The following RNF130 variants were observed in gnomAD, a reference collection of about 807,000 sequenced individuals.
RNF130 encodes the protein ring finger protein 130, also known as E3 ubiquitin-protein ligase RNF130.
Under a neutral mutation model 44.6 loss-of-function variants are expected in RNF130, and 21 were observed. The ratio of observed to expected loss-of-function variants is 0.47; its 90% confidence interval spans 0.33 to 0.68. The LOEUF is 0.68. Among genes scored for constraint, RNF130 ranks in the 30% least tolerant of loss-of-function variants. The pLI, the probability that RNF130 is intolerant of heterozygous loss-of-function variation, is 0.02. For missense variants in RNF130, 479 were observed against 560.6 expected (o/e 0.85, Z 1.47); for synonymous variants, 214 against 210.4 (o/e 1.02, Z -0.15).
At chr5:179,961,110 T>A (rs1459127420) in intron 8 of RNF130, among the ~76,000 whole-genome samples, 1 of 149,502 alleles carries the variant, frequency 6.7e-6, no homozygotes, top group African/African-American at 2.5e-5. Context: ...ATGCTTACTG[T>A]TAAAAAAAAA....
intron 3 of RNF130, among the ~76,000 whole-genome samples, chr5:180,012,380 T>C (rs561168777): frequency 6.6e-6 from 1 of 152,300 alleles, no homozygotes; most frequent in Admixed American, 6.5e-5. Flanking sequence ...ACCTGGAACC[T>C]GGCACCTAGG....
At chr5:180,030,470 T>A (rs1764108913) in intron 2 of RNF130, among the ~76,000 whole-genome samples, 1 of 152,168 alleles carries the variant, frequency 6.6e-6, no homozygotes, top group African/African-American at 2.4e-5. Context: ...CAGTTTTGGG[T>A]CATTTCCATC....
chr5:180,043,804 C>T (rs145776987), intron 1 of RNF130, among the ~76,000 whole-genome samples: 2 of 152,030 alleles, frequency 1.3e-5, no homozygotes. Context: ...TTCATCTAAT[C>T]ATCATCCATA....
At chr5:180,066,193 A>C (rs1765103481) in intron 1 of RNF130, among the ~76,000 whole-genome samples, 1 of 152,222 alleles carries the variant, frequency 6.6e-6, no homozygotes, top group Non-Finnish European at 1.5e-5. Context: ...AACTGGAATC[A>C]TGGAGGCGGT....
At chr5:179,920,789 A>ATT (rs1307574060) in intron 7 of RNF130, among the ~76,000 whole-genome samples, 67 of 135,224 alleles carry the variant, frequency 5.0e-4, no homozygotes, top group African/African-American at 2.1e-3. Flanking sequence ...TTATATATAT[A>ATT]TATATATTTT....
At chr5:180,027,586 G>T (rs911721957) in intron 2 of RNF130, among the ~76,000 whole-genome samples, 5 of 152,074 alleles carry the variant, frequency 3.3e-5, no homozygotes, top group African/African-American at 1.2e-4. Flanking sequence ...AGTGCAGCTC[G>T]CTGGACTGAA....
At chr5:180,040,888 T>C (rs971065195) in intron 1 of RNF130, among the ~76,000 whole-genome samples, 1 of 152,148 alleles carries the variant, frequency 6.6e-6, no homozygotes, top group African/African-American at 2.4e-5. Context: ...TTCTTAACTT[T>C]ACAGACTGAT....
At chr5:179,949,147 TA>T (rs1201158527) in intron 7 of RNF130, among the ~76,000 whole-genome samples, 1 of 152,054 alleles carries the variant, frequency 6.6e-6, no homozygotes, top group African/African-American at 2.4e-5. Flanking sequence ...TGTATTTTAG[TA>T]GAGATGGGGT....
At chr5:179,930,136 C>T (rs758863258) in intron 7 of RNF130, among the ~76,000 whole-genome samples, 4 of 152,124 alleles carry the variant, frequency 2.6e-5, no homozygotes, top group South Asian at 2.1e-4. Flanking sequence ...TGGCTCACTG[C>T]GACCTCTGCC....
chr5:180,046,989 A>G (rs1027041366), intron 1 of RNF130, among the ~76,000 whole-genome samples: 1 of 129,752 alleles, frequency 7.7e-6, no homozygotes, highest in Non-Finnish European at 1.7e-5. Context: ...GGCATTAAAA[A>G]AAAGTTTGTG....
chr5:180,054,273 G>C (rs1764754381), intron 1 of RNF130, among the ~76,000 whole-genome samples: 1 of 152,016 alleles, frequency 6.6e-6, no homozygotes, highest in African/African-American at 2.4e-5. Context: ...TTTGTCCTAG[G>C]ATTTGCAAAC....
At chr5:179,974,286 G>A (rs866761926) in intron 5 of RNF130, among the ~76,000 whole-genome samples, 13 of 152,266 alleles carry the variant, frequency 8.5e-5, no homozygotes, top group African/African-American at 1.7e-4. Context: ...GTTCATCCAC[G>A]CGGCAACTCC....
chr5:179,991,119 C>A (rs1763072893), intron 3 of RNF130, among the ~76,000 whole-genome samples: 1 of 152,116 alleles, frequency 6.6e-6, no homozygotes, highest in African/African-American at 2.4e-5. Context: ...AATAGCATCC[C>A]ATTCTCTTCT....
intron 3 of RNF130, among the ~76,000 whole-genome samples, chr5:179,986,098 C>T (rs2113724199): frequency 6.6e-6 from 1 of 152,330 alleles, no homozygotes; most frequent in African/African-American, 2.4e-5. Context: ...TTCTTTTCCT[C>T]AAATCACATT....
At chr5:179,962,668 C>G (rs1389537661) in intron 8 of RNF130, among the ~76,000 whole-genome samples, 3 of 152,108 alleles carry the variant, frequency 2.0e-5, no homozygotes, top group Non-Finnish European at 4.4e-5. Flanking sequence ...ATACCTTATC[C>G]CTATGGAAAG....
intron 7 of RNF130, chr5:179,939,370 A>G (rs1343793552): frequency 1.2e-5 from 2 of 165,816 alleles, no homozygotes; most frequent in Non-Finnish European, 2.6e-5. Flanking sequence ...TACTTCAGGT[A>G]CAATTCTACC....
At position 179,978,203 on chromosome 5, in the gene RNF130, T is replaced by C. The variant is rs1490129201; in HGVS notation, c.848A>G (p.Lys283Arg). ...QNDVVRILPCKHVFHKSCVDP... is the reference protein window; with the variant it reads ...QNDVVRILPCRHVFHKSCVDP... ...TCTCAAACAAATGAAGTTGACATAC[T>C]TGCAGGGGAGAATTCGGACGACATC... is the stretch of plus-strand genomic sequence containing the variant. The change falls in exon 5 of 9, where the codon AAG becomes AGG. Residue 283 changes from lysine (K) to arginine (R), a missense_variant and splice_region_variant. Lys to Arg is a conservative substitution (Grantham distance 26). This residue lies in a region of RNF130 where 180 missense variants were observed against 275.1 expected (regional missense o/e 0.65). Transcript: ENST00000521389. 1 of 1,609,398 alleles carries C rather than the reference T, an allele frequency of 6.2e-7. No homozygotes were observed. The highest frequency in any genetic ancestry group is 1.1e-5 in the South Asian group (1 of 90,990).
At chr5:180,025,793 T>C (rs1763971184) in intron 2 of RNF130, among the ~76,000 whole-genome samples, 1 of 152,204 alleles carries the variant, frequency 6.6e-6, no homozygotes, top group African/African-American at 2.4e-5. Context: ...CCATATTCAA[T>C]TAGAAGCTAA....
chr5:180,040,467 G>A lies in RNF130; in HGVS notation c.428C>T (p.Thr143Ile). 1 of 1,612,538 alleles carries A rather than the reference G, an allele frequency of 6.2e-7. No homozygotes were observed. Among genetic ancestry groups the A allele is most frequent in the Non-Finnish European group, 8.5e-7 (1 of 1,179,190 alleles). Residue 143 changes from threonine (T) to isoleucine (I), a missense_variant, in exon 2 of 9, where the codon ACC (threonine) becomes ATC (isoleucine). Thr to Ile is a moderately conservative substitution (Grantham distance 89, BLOSUM62 -1). Transcript: ENST00000521389. ...YNNKSKEEPV[T>I]MTHPGTGDII... The stretch of plus-strand genomic sequence containing the variant: ...TTTTTGTTTACCTGGATGAGTCATG[G>A]TAACTGGCTCCTCTTTGGATTTATT...
Sources: gnomAD v4.1 joint callset for allele counts (sites outside exome capture counted in the v4.1 genomes callset) on GRCh38, gnomAD v4.1.1 for gene constraint, gnomAD v4.1.1 regional missense constraint, MANE v1.5 for transcripts, NCBI Gene and HGNC (gene_info 2026-07-23, HGNC 2026-07-21) for gene names.